LARP4B: variants seen among roughly 807,000 people sequenced by gnomAD.
LARP4B encodes La ribonucleoprotein 4B.
A neutral mutation model predicts 89.8 loss-of-function variants in LARP4B; 12 were observed. That is an observed-to-expected ratio of 0.13 (90% CI 0.09 to 0.22). The LOEUF (loss-of-function observed/expected upper bound fraction) is 0.22, where lower values mean the gene tolerates loss of function less well. LARP4B is among the 10% of genes least tolerant of loss of function. The pLI is 1.00. For missense variants in LARP4B, 757 were observed against 947.7 expected, an observed-to-expected ratio of 0.80 and a Z score of 2.64; for synonymous variants, 367 against 363.3, an observed-to-expected ratio of 1.01 and a Z score of -0.12.
At chr10:839,565 T>G (rs543461740) in intron 7 of LARP4B, among the ~76,000 whole-genome samples, 1 of 152,322 alleles carries the variant, frequency 6.6e-6, no homozygotes, top group Admixed American at 6.5e-5. Context: ...TCATTAATCA[T>G]TAGAGAAACA....
At chr10:937,618 C>T in the LARP4B span, among the ~76,000 whole-genome samples, 10 of 152,098 alleles carry the variant, frequency 6.6e-5, no homozygotes, top group Non-Finnish European at 1.5e-4. Context: ...ATGTGTCTGC[C>T]TCAGTTATAT....
chr10:825,996 A>T, intron 11 of LARP4B, 126 bp from the exon 12 acceptor site: 1 of 655,864 alleles, frequency 1.5e-6, no homozygotes, highest in Non-Finnish European at 2.6e-6. Flanking sequence ...CCATGCTGAG[A>T]CATGTATTTT....
chr10:909,096 C>T (rs1462563841), intron 1 of LARP4B, among the ~76,000 whole-genome samples: 3 of 151,940 alleles, frequency 2.0e-5, no homozygotes, highest in South Asian at 4.2e-4. Flanking sequence ...AGATCAAGAT[C>T]ATCCTGGCTA....
At chr10:981,593 T>TG in the LARP4B span, among the ~76,000 whole-genome samples, 3 of 152,274 alleles carry the variant, frequency 2.0e-5, no homozygotes, top group Admixed American at 1.3e-4. Context: ...TTTTTTGAGA[T>TG]GGAGTCTCAC....
intron 15 of LARP4B, 70 bp from the exon 16 acceptor site, chr10:815,140 C>A: frequency 6.7e-7 from 1 of 1,493,292 alleles, no homozygotes; most frequent in South Asian, 1.4e-5. Flanking sequence ...AGTGCCCGTT[C>A]ACCCCACCCG....
At chr10:970,597 T>C in the LARP4B span, among the ~76,000 whole-genome samples, 1 of 152,092 alleles carries the variant, frequency 6.6e-6, no homozygotes, top group Non-Finnish European at 1.5e-5. Context: ...CACTGAAGTG[T>C]TTATTTTACT....
chr10:960,794 G>A, the LARP4B span, among the ~76,000 whole-genome samples: 11 of 150,160 alleles, frequency 7.3e-5, no homozygotes, highest in Non-Finnish European at 1.0e-4. Flanking sequence ...TAATTAACAC[G>A]GTTAATTTCA....
At chr10:808,819 C>T (rs929254951), downstream of LARP4B, 1 of 151,350 alleles carries the variant, frequency 6.6e-6, no homozygotes, top group African/African-American at 2.4e-5. Flanking sequence ...TAGGGAAAGG[C>T]TTCTTAAGCA....
chr10:984,103 G>A, the LARP4B span, among the ~76,000 whole-genome samples: 39 of 152,238 alleles, frequency 2.6e-4, no homozygotes, highest in Admixed American at 1.8e-3. Flanking sequence ...TGACAATGAC[G>A]TCACATCATC....
At chr10:984,672 A>G in the LARP4B span, among the ~76,000 whole-genome samples, 1 of 152,292 alleles carries the variant, frequency 6.6e-6, no homozygotes, top group Non-Finnish European at 1.5e-5. Flanking sequence ...ACAGCATATG[A>G]CCCCAAGTGC....
the LARP4B span, among the ~76,000 whole-genome samples, chr10:954,448 G>A: frequency 6.6e-6 from 1 of 152,294 alleles, no homozygotes. This position sits in a 1 kb window ranked among gnomAD's most constrained non-coding sequence, Gnocchi z 5.0. Context: ...GGAAAGACGG[G>A]GGTGTGAGGC....
At chr10:831,498 C>T (rs917575765) in intron 8 of LARP4B, among the ~76,000 whole-genome samples, 4 of 152,128 alleles carry the variant, frequency 2.6e-5, no homozygotes, top group African/African-American at 7.2e-5. Flanking sequence ...GTGCCTGGGC[C>T]GCAGAGCCGG....
the LARP4B span, chr10:972,472 A>T: frequency 2.2e-6 from 1 of 453,636 alleles, no homozygotes; most frequent in Non-Finnish European, 4.4e-6. Flanking sequence ...GAATTGTGGC[A>T]GGACAGTCCA....
At chr10:820,648 G>T in intron 14 of LARP4B, 152 bp downstream of exon 14, 1 of 690,146 alleles carries the variant, frequency 1.4e-6, no homozygotes, top group Non-Finnish European at 2.4e-6. Flanking sequence ...AGGCCAGCCA[G>T]GGTGTCAGTT....
At chr10:899,355 A>T (rs114388836) in intron 1 of LARP4B, among the ~76,000 whole-genome samples, 1 of 152,154 alleles carries the variant, frequency 6.6e-6, no homozygotes, top group East Asian at 1.9e-4. Context: ...GAATCTAAAA[A>T]CATTATTCTG....
chr10:974,320 C>T, the LARP4B span, among the ~76,000 whole-genome samples: 1 of 152,064 alleles, frequency 6.6e-6, no homozygotes, highest in Non-Finnish European at 1.5e-5. Context: ...AGGAGTGTTC[C>T]CTGGGGAGTT....
At chr10:889,648 T>A (rs563914784) in intron 1 of LARP4B, among the ~76,000 whole-genome samples, 2 of 152,192 alleles carry the variant, frequency 1.3e-5, no homozygotes, top group African/African-American at 2.4e-5. Context: ...AAACTTCACA[T>A]GTAACATCTC....
At position 822,691 on chromosome 10, in the gene LARP4B, G is replaced by A. The variant is rs1252341339; in HGVS notation, c.1485-1846C>T. ...TAGCAAGGGACCCAGGGTGGTCCCAGCACCATAGAGGAAACATCACTGTGA... is the reference window on the plus strand; with the variant it reads ...TAGCAAGGGACCCAGGGTGGTCCCAACACCATAGAGGAAACATCACTGTGA... On this transcript the variant is annotated intron_variant, in intron 13 of 17. Transcript: ENST00000316157. The surrounding 1 kb of genome is among the most constrained non-coding windows in gnomAD (Gnocchi z 4.6). 6.6e-6 allele frequency among the ~76,000 whole-genome samples: 1 copy of A among 152,236 alleles called. No homozygotes were observed. The highest frequency in any genetic ancestry group is 1.5e-5 in the Non-Finnish European group (1 of 68,046).
chr10:939,583 A>G, the LARP4B span, among the ~76,000 whole-genome samples: 2 of 152,102 alleles, frequency 1.3e-5, no homozygotes, highest in African/African-American at 2.4e-5. Context: ...GGGGTGTTTA[A>G]CCTACACAGC....
Sources: allele counts gnomAD v4.1 joint callset (sites outside exome capture counted in the v4.1 genomes callset), GRCh38; gene constraint gnomAD v4.1.1; non-coding constraint Gnocchi (gnomAD v3.1); transcripts MANE v1.5; gene names NCBI Gene and HGNC (gene_info 2026-07-23, HGNC 2026-07-21).